DTD1: variants seen among roughly 807,000 people sequenced by gnomAD.
The protein encoded by DTD1 is D-tyrosyl-tRNA deacylase 1 homolog.
A neutral mutation model predicts 25.6 loss-of-function variants in DTD1; 13 were observed. That is an observed-to-expected ratio of 0.51 (90% confidence interval 0.33 to 0.81). DTD1 has a LOEUF of 0.81. DTD1 is among the 30% of genes least tolerant of loss of function. The pLI is 0.02. For missense variants in DTD1, 193 were observed against 266.4 expected (o/e 0.72, Z 1.92); for synonymous variants, 110 against 103.6 (o/e 1.06, Z -0.37).
chr20:18,693,471 A>G (rs1306391792), intron 4 of DTD1, among the ~76,000 whole-genome samples: 3 of 151,954 alleles, frequency 2.0e-5, no homozygotes, highest in Admixed American at 6.6e-5. Context: ...AACCTGACCA[A>G]CGTGGCAAAA....
At chr20:18,711,177 T>G (rs962563494) in intron 4 of DTD1, among the ~76,000 whole-genome samples, 1 of 152,166 alleles carries the variant, frequency 6.6e-6, no homozygotes, top group Non-Finnish European at 1.5e-5. Flanking sequence ...AGCACTAATC[T>G]TTTCCTGACC....
At chr20:18,720,436 A>G (rs957125568) in intron 4 of DTD1, among the ~76,000 whole-genome samples, 1 of 152,234 alleles carries the variant, frequency 6.6e-6, no homozygotes, top group Non-Finnish European at 1.5e-5. Flanking sequence ...AATTACCTTC[A>G]TAAGATTTTC....
intron 4 of DTD1, among the ~76,000 whole-genome samples, chr20:18,666,723 A>G (rs2060932596): frequency 1.3e-5 from 2 of 152,116 alleles, no homozygotes; most frequent in Non-Finnish European, 1.5e-5. Flanking sequence ...AGTTTGATAT[A>G]CTTTAGTGAT....
intron 3 of DTD1, among the ~76,000 whole-genome samples, chr20:18,607,720 C>CTT (rs1189119318): frequency 1.4e-5 from 2 of 145,728 alleles, no homozygotes; most frequent in African/African-American, 5.0e-5. Context: ...TTCTTTCTTT[C>CTT]TTTTTTTTTT....
At chr20:18,615,572 C>T (rs895742053) in intron 3 of DTD1, among the ~76,000 whole-genome samples, 3 of 152,226 alleles carry the variant, frequency 2.0e-5, no homozygotes, top group African/African-American at 7.2e-5. Context: ...AGAAAAAAAA[C>T]AAGTTATACC....
rs141375416 is a variant in DTD1, at chr20:18,600,028, T to C, written c.370+3787T>C. On this transcript the variant is annotated intron_variant, in intron 3 of 5. Coordinates refer to ENST00000377452, the MANE Select transcript of DTD1 (RefSeq NM_080820.6). Reference sequence around the variant, plus strand: ...ATTTATCCTTATAGGATATTTCTTTTGTAAATATTTTTTCTCAATCTGTGG... The same window carrying C: ...ATTTATCCTTATAGGATATTTCTTTCGTAAATATTTTTTCTCAATCTGTGG... Among the ~76,000 whole-genome samples the C allele has an allele frequency of 6.1e-3, 931 of 152,342 alleles. 11 individuals carry two copies. The highest frequency in any genetic ancestry group is 0.021 in the African/African-American group (890 of 41,582).
intron 4 of DTD1, among the ~76,000 whole-genome samples, chr20:18,661,994 A>T (rs1163810074): frequency 6.6e-6 from 1 of 152,096 alleles, no homozygotes; most frequent in Admixed American, 6.5e-5. Context: ...TCTACAAAAC[A>T]TATAAAAATT....
chr20:18,672,868 T>A (rs1294797144), intron 4 of DTD1, among the ~76,000 whole-genome samples: 1 of 152,212 alleles, frequency 6.6e-6, no homozygotes, highest in Non-Finnish European at 1.5e-5. Context: ...TTGTTTGTTA[T>A]GATAAGCCAG....
chr20:18,671,626 T>C (rs184327684), intron 4 of DTD1, among the ~76,000 whole-genome samples: 2 of 152,314 alleles, frequency 1.3e-5, no homozygotes, highest in Admixed American at 1.3e-4. Context: ...CTTTAATTGG[T>C]TGTTGTTAGA....
At chr20:18,716,822 A>G (rs751697003) in intron 4 of DTD1, among the ~76,000 whole-genome samples, 6 of 152,140 alleles carry the variant, frequency 3.9e-5, no homozygotes, top group Non-Finnish European at 8.8e-5. Flanking sequence ...ATTAACACAT[A>G]TTTTGTATTT....
rs138410651 is a variant in DTD1 at position 18,697,699 on chromosome 20, T to A, written c.478-46401T>A. On this transcript the variant is annotated intron_variant, in intron 4 of 5. Transcript: ENST00000377452. ...ACTCACATATTTTTTGTTTGTTTGTTTTTGAGACAGAGTCTCGCTCTTTCG... is the reference window on the plus strand; with the variant it reads ...ACTCACATATTTTTTGTTTGTTTGTATTTGAGACAGAGTCTCGCTCTTTCG... Among the ~76,000 whole-genome samples the A allele has an allele frequency of 5.6e-3, 847 of 152,342 alleles. 2 individuals are homozygous for A. The highest frequency in any genetic ancestry group is 9.7e-3 in the Non-Finnish European group (657 of 68,036).
Position 18,700,745 on chromosome 20 carries a change from C to A in DTD1, c.478-43355C>A, listed in dbSNP as rs536077257. 1.8e-4 allele frequency among the ~76,000 whole-genome samples: 28 copies of A among 152,062 alleles called. No individual in the cohort carries two copies. The East Asian group carries it at 5.0e-3, about 27-fold the overall frequency. On this transcript the variant is annotated intron_variant, in intron 4 of 5. Coordinates refer to ENST00000377452, the MANE Select transcript of DTD1 (RefSeq NM_080820.6). ...GTCAGGGCTTCAGTGGACTGAGATT[C>A]GATTGGAGGGTGTCTGGGGAAGTGA... is the stretch of plus-strand genomic sequence containing the variant.
intron 4 of DTD1, among the ~76,000 whole-genome samples, chr20:18,680,009 GA>G (rs2060990445): frequency 6.6e-6 from 1 of 152,122 alleles, no homozygotes; most frequent in African/African-American, 2.4e-5. Flanking sequence ...CATTGCTCAG[GA>G]ATTAAACTTT....
intron 4 of DTD1, among the ~76,000 whole-genome samples, chr20:18,715,199 C>T (rs2061175257): frequency 6.6e-6 from 1 of 152,096 alleles, no homozygotes; most frequent in Non-Finnish European, 1.5e-5. Context: ...CACTCCATTT[C>T]CCCCAGGGTC....
intron 4 of DTD1, among the ~76,000 whole-genome samples, chr20:18,638,105 AT>A (rs2060814353): frequency 6.6e-6 from 1 of 152,024 alleles, no homozygotes; most frequent in African/African-American, 2.4e-5. Context: ...GCTCATGCTC[AT>A]TTGTTTGTTT....
At chr20:18,614,221 T>G (rs2060699886) in intron 3 of DTD1, among the ~76,000 whole-genome samples, 1 of 152,154 alleles carries the variant, frequency 6.6e-6, no homozygotes, top group African/African-American at 2.4e-5. Flanking sequence ...GCTCAAGCAC[T>G]GAGCATCCCA....
intron 4 of DTD1, among the ~76,000 whole-genome samples, chr20:18,656,787 G>A (rs868763523): frequency 1.3e-5 from 2 of 152,192 alleles, no homozygotes; most frequent in Admixed American, 6.5e-5. Flanking sequence ...AGTCGTGGCC[G>A]TGGCAGAACA....
chr20:18,674,752 C>T (rs2060963435), intron 4 of DTD1: 1 of 152,590 alleles, frequency 6.6e-6, no homozygotes, highest in African/African-American at 2.4e-5. Flanking sequence ...GCCCCTGCCT[C>T]TGCCCCTGGG....
chr20:18,603,675 C>G (rs1368537632), intron 3 of DTD1, among the ~76,000 whole-genome samples: 1 of 123,442 alleles, frequency 8.1e-6, no homozygotes, highest in Non-Finnish European at 1.8e-5. Flanking sequence ...TGAGTGACTA[C>G]CGGGTACATA....
Sources: gnomAD v4.1 joint callset for allele counts (sites outside exome capture counted in the v4.1 genomes callset) on GRCh38, gnomAD v4.1.1 for gene constraint, MANE v1.5 for transcripts, NCBI Gene and HGNC (gene_info 2026-07-23, HGNC 2026-07-21) for gene names.